PXYLP1: variants seen among roughly 807,000 people sequenced by gnomAD.
PXYLP1 encodes 2-phosphoxylose phosphatase 1.
PXYLP1 carries 17 observed loss-of-function variants against 37.9 expected under a neutral mutation model. The ratio of observed to expected loss-of-function variants is 0.45; its 90% CI spans 0.31 to 0.67. The LOEUF is 0.67. Among genes scored for constraint, PXYLP1 ranks in the 30% least tolerant of loss-of-function variants. The pLI is 0.07. For missense variants in PXYLP1, 511 were observed against 612.0 expected, an observed-to-expected ratio of 0.84 and a Z score of 1.74; for synonymous variants, 221 against 232.2, an observed-to-expected ratio of 0.95 and a Z score of 0.44.
At position 141,292,214 on chromosome 3, in the gene PXYLP1, CT is replaced by C; in HGVS notation, c.506-53del. Reference sequence around the variant, plus strand: ...CACACGCTGACTCCACCTCCCCTTGCTGTTTCTTTTGCTCAGCTGGAAGTAA... The same window carrying C: ...CACACGCTGACTCCACCTCCCCTTGCGTTTCTTTTGCTCAGCTGGAAGTAA... On this transcript the variant is annotated intron_variant, in intron 5 of 5. Coordinates refer to ENST00000286353, the MANE Select transcript of PXYLP1 (RefSeq NM_001037172.3). The surrounding 1 kb of genome is among the most constrained non-coding windows in gnomAD (Gnocchi z 4.3). 1 of 1,511,662 alleles carries C rather than the reference CT, an allele frequency of 6.6e-7. No individual in the cohort carries two copies. Among genetic ancestry groups the C allele is most frequent in the Non-Finnish European group, 8.9e-7 (1 of 1,123,130 alleles). The allele number at this position is 1,511,662 out of a possible 1,614,324, so 93.6% of individuals were successfully genotyped here. A position where few individuals can be genotyped will look rare whatever the true frequency, so the allele number is the denominator to read the frequency against.
In PXYLP1 at chr3:141,238,259, T is replaced by C. The variant is rs188433535; in HGVS notation, c.-54+6348T>C. On this transcript the variant is annotated intron_variant, in intron 1 of 5. Coordinates refer to ENST00000286353, the MANE Select transcript of PXYLP1 (RefSeq NM_001037172.3). ...TGTTGACGGGCATGGGTTTCCTAAC[T>C]GGTGCTGGAAAGAGAGGACCTTCCT... 1.1e-4 allele frequency among the ~76,000 whole-genome samples: 16 copies of C among 152,318 alleles called. No homozygotes were observed. In the East Asian group the frequency reaches 2.7e-3, roughly 26 times the overall value.
At chr3:141,246,073 C>A (rs758692178) in intron 1 of PXYLP1, among the ~76,000 whole-genome samples, 12 of 152,142 alleles carry the variant, frequency 7.9e-5, no homozygotes, top group Non-Finnish European at 1.5e-4. Flanking sequence ...TTTTGGGTCG[C>A]CTGGGGTCTG....
At chr3:141,272,705 C>CCACTCCTGGGCTCTCTAGAGGGACA (rs1203970946) in intron 2 of PXYLP1, 5 of 152,068 alleles carry the variant, frequency 3.3e-5, no homozygotes, top group South Asian at 2.1e-4. Context: ...AACTTGGATC[C>CCACTCCTGGGCTCTCTAGAGGGACA]GATGTTCAAG....
intron 1 of PXYLP1, among the ~76,000 whole-genome samples, chr3:141,248,026 T>TTG (rs201661974): frequency 0.13 from 15,627 of 122,556 alleles, 1,523 homozygotes; most frequent in African/African-American, 0.31. Context: ...TTGTTTTGTT[T>TTG]TTTTTTTTTT....
intron 2 of PXYLP1, among the ~76,000 whole-genome samples, chr3:141,269,588 C>G (rs1487704211): frequency 6.6e-6 from 1 of 152,066 alleles, no homozygotes; most frequent in African/African-American, 2.4e-5. Flanking sequence ...CTGCATTGTC[C>G]CATGGGGTTT....
At chr3:141,256,574 C>T (rs1160163902) in intron 1 of PXYLP1, among the ~76,000 whole-genome samples, 1 of 152,214 alleles carries the variant, frequency 6.6e-6, no homozygotes, top group Non-Finnish European at 1.5e-5. Context: ...ACCCCTACTC[C>T]TTGGGGTCCT....
In PXYLP1 at chr3:141,292,925, C is replaced by T; in HGVS notation, c.1163C>T (p.Ala388Val). ...GTCACTCTGTCACCAGTTCTCAGTG[C>T]CTTGGGCCTTTCAGAAGCCAGGTTC... ...HDVTLSPVLS[A>V]LGLSEARFPR... Residue 388 changes from alanine (A) to valine (V), a missense_variant, in exon 6 of 6, where the codon GCC (alanine) becomes GTC (valine). By Grantham distance (64) the Ala-to-Val change is moderately conservative. Coordinates refer to ENST00000286353, the MANE Select transcript of PXYLP1 (RefSeq NM_001037172.3). This position sits in a 1 kb window ranked among gnomAD's most constrained non-coding sequence, Gnocchi z 4.3. 2 of 1,614,174 alleles carry T rather than the reference C, an allele frequency of 1.2e-6. No individual in the cohort carries two copies. Among genetic ancestry groups the T allele is most frequent in the Non-Finnish European group, 1.7e-6 (2 of 1,180,038 alleles).
In PXYLP1 at chr3:141,292,533, G is replaced by A. The variant is rs1188413541; in HGVS notation, c.771G>A (p.Glu257=). 1 of 1,614,226 alleles carries A rather than the reference G, an allele frequency of 6.2e-7. No individual in the cohort carries two copies. Among genetic ancestry groups the A allele is most frequent in the East Asian group, 2.2e-5 (1 of 44,888 alleles). ...CPVRNQYLEK[E]QRRQYLLRLK... is the part of the protein sequence containing the mutation. ...TAAGAAACCAGTATCTGGAAAAGGAGCAGCGTCGTCAGTACCTCCTACGTT... is the reference window on the plus strand; with the variant it reads ...TAAGAAACCAGTATCTGGAAAAGGAACAGCGTCGTCAGTACCTCCTACGTT... The change falls in exon 6 of 6, where the codon GAG becomes GAA. Residue 257 remains glutamate, a synonymous_variant. Transcript: ENST00000286353. The surrounding 1 kb of genome is among the most constrained non-coding windows in gnomAD (Gnocchi z 4.3).
In PXYLP1 at chr3:141,292,381, A is replaced by G; in HGVS notation, c.619A>G (p.Lys207Glu). 1 of 1,614,170 alleles carries G rather than the reference A, an allele frequency of 6.2e-7. No individual in the cohort carries two copies. Among genetic ancestry groups the G allele is most frequent in the Non-Finnish European group, 8.5e-7 (1 of 1,180,028 alleles). ...ADQLYLETTG[K>E]SRTLQSGLAL... ...CCAGCTCTATTTAGAGACCACTGGGAAAAGCCGGACCCTACAAAGTGGGCT... is the reference window on the plus strand; with the variant it reads ...CCAGCTCTATTTAGAGACCACTGGGGAAAGCCGGACCCTACAAAGTGGGCT... Residue 207 changes from lysine (K) to glutamate (E), a missense_variant, in exon 6 of 6, where the codon AAA becomes GAA. Physicochemically the swap from Lys to Glu is moderately conservative, Grantham distance 56. Transcript: ENST00000286353. The surrounding 1 kb of genome is among the most constrained non-coding windows in gnomAD (Gnocchi z 4.3).
intron 1 of PXYLP1, chr3:141,232,284 C>G (rs984586480): frequency 6.6e-6 from 1 of 152,500 alleles, no homozygotes. Flanking sequence ...CCCCCGCAGC[C>G]CCGCACTCTC....
At chr3:141,242,602 G>A (rs935952838) in intron 1 of PXYLP1, among the ~76,000 whole-genome samples, 9 of 152,204 alleles carry the variant, frequency 5.9e-5, no homozygotes, top group African/African-American at 1.9e-4. Context: ...ACAGAGAGAT[G>A]AACCATCATG....
intron 4 of PXYLP1, 112 bp from the exon 5 acceptor site, chr3:141,287,200 TTA>T: frequency 1.8e-6 from 2 of 1,086,496 alleles, no homozygotes; most frequent in South Asian, 3.0e-5. Context: ...CCGGTACCTG[TTA>T]CTGTGGGTGC....
At chr3:141,241,922 T>C (rs1485941368) in intron 1 of PXYLP1, among the ~76,000 whole-genome samples, 1 of 152,150 alleles carries the variant, frequency 6.6e-6, no homozygotes, top group East Asian at 1.9e-4. Context: ...TCCCTCTGTG[T>C]CTGATTCTTG....
chr3:141,254,722 T>A (rs1166743390), intron 1 of PXYLP1, among the ~76,000 whole-genome samples: 2 of 152,156 alleles, frequency 1.3e-5, no homozygotes, highest in African/African-American at 2.4e-5. Flanking sequence ...TTTTTTTTTT[T>A]AATTGTAATG....
chr3:141,282,839 G>C (rs969397669), intron 4 of PXYLP1, among the ~76,000 whole-genome samples: 6 of 152,212 alleles, frequency 3.9e-5, no homozygotes, highest in Non-Finnish European at 8.8e-5. Context: ...TGTCTGGCTG[G>C]TGGTGGTACC....
At chr3:141,239,998 C>G (rs1559878422) in intron 1 of PXYLP1, among the ~76,000 whole-genome samples, 5 of 152,216 alleles carry the variant, frequency 3.3e-5, no homozygotes, top group Admixed American at 2.0e-4. Flanking sequence ...ATGTGTCTGG[C>G]TGAAAGTAGC....
intron 1 of PXYLP1, among the ~76,000 whole-genome samples, chr3:141,248,609 A>G (rs1221057351): frequency 8.1e-6 from 1 of 123,802 alleles, no homozygotes; most frequent in Admixed American, 8.4e-5. Context: ...ATATATACAC[A>G]CGTATATATA....
chr3:141,282,483 A>AC lies in PXYLP1; in HGVS notation c.365+2979_365+2980insC, dbSNP rs1941976664. Among the ~76,000 whole-genome samples the AC allele has an allele frequency of 4.1e-5, 6 of 147,646 alleles. No individual in the cohort carries two copies. The East Asian group carries it at 1.2e-3, about 30-fold the overall frequency. Reference sequence around the variant, plus strand: ...CATCTGTTACTTTCTAACCCAGACAAACACACACACACACACACACACACA... The same window carrying AC: ...CATCTGTTACTTTCTAACCCAGACAACACACACACACACACACACACACACA... On this transcript the variant is annotated intron_variant, in intron 4 of 5. Coordinates refer to ENST00000286353, the MANE Select transcript of PXYLP1 (RefSeq NM_001037172.3).
At chr3:141,268,168 G>GGA (rs142785821) in intron 2 of PXYLP1, among the ~76,000 whole-genome samples, 1,697 of 129,570 alleles carry the variant, frequency 0.013, 11 homozygotes, top group Non-Finnish European at 0.02. Context: ...GGTGGGTGGG[G>GGA]GAGAGAGAGA....
Sources: allele counts gnomAD v4.1 joint callset (sites outside exome capture counted in the v4.1 genomes callset), GRCh38; gene constraint gnomAD v4.1.1; non-coding constraint Gnocchi (gnomAD v3.1); transcripts MANE v1.5; gene names NCBI Gene and HGNC (gene_info 2026-07-23, HGNC 2026-07-21).